The following TYW1 variants were observed in gnomAD, a reference collection of about 807,000 sequenced individuals.
The protein encoded by TYW1 is tRNA-yW synthesizing protein 1 homolog.
TYW1 carries 46 observed loss-of-function variants against 96.2 expected under a neutral mutation model. The ratio of observed to expected loss-of-function variants is 0.48; its 90% CI spans 0.38 to 0.61. The LOEUF is 0.61. Among genes scored for constraint, TYW1 ranks in the 20% least tolerant of loss-of-function variants. The pLI, the probability that TYW1 is intolerant of heterozygous loss-of-function variation, is 0.00. For synonymous variants in TYW1, 274 were observed against 323.0 expected (o/e 0.85, Z 1.63); for missense variants, 684 against 909.6 (o/e 0.75, Z 3.19).
chr7:67,009,851 G>A (rs1359304347), intron 4 of TYW1, 167 bp downstream of exon 4: 2 of 675,084 alleles, frequency 3.0e-6, no homozygotes, highest in African/African-American at 1.9e-5. Flanking sequence ...TGAATGTGGG[G>A]TAAGGTTCAC....
chr7:67,008,641 T>G (rs1212155920), intron 3 of TYW1, among the ~76,000 whole-genome samples: 1 of 152,202 alleles, frequency 6.6e-6, no homozygotes, highest in African/African-American at 2.4e-5. Context: ...TCCCATTCTT[T>G]TCACTCTTCA....
Position 67,112,600 on chromosome 7 carries a change from A to G in TYW1, c.1563-4883A>G, listed in dbSNP as rs1226734204. 1.3e-5 allele frequency among the ~76,000 whole-genome samples: 2 copies of G among 150,616 alleles called. 1 individual carries two copies. The highest frequency in any genetic ancestry group is 4.9e-5 in the African/African-American group (2 of 40,614). On this transcript the variant is annotated intron_variant, in intron 12 of 15. Transcript: ENST00000359626. ...CCCTGCACTCCAGCCTGGGTGACAG[A>G]GCAAGACTCTTGTCTTTAAAAAAAA... is the stretch of plus-strand genomic sequence containing the variant.
chr7:67,179,540 T>C lies in TYW1; in HGVS notation c.1699-3586T>C, dbSNP rs184089288. Among the ~76,000 whole-genome samples, 17 of 135,136 alleles carry C rather than the reference T, an allele frequency of 1.3e-4. 2 individuals are homozygous for C. In the Middle Eastern group the frequency reaches 0.027, roughly 211 times the overall value. 88.7% of individuals were successfully genotyped at this position (135,136 alleles called of 152,430 possible). On this transcript the variant is annotated intron_variant, in intron 13 of 15. Transcript: ENST00000359626. ...CGTATCTGTAAAGTGAAGATAATAA[T>C]CCAATCTATTTTGTGAGATTTGTTG... is the stretch of plus-strand genomic sequence containing the variant.
In TYW1 at chr7:67,080,017, T is replaced by G. The variant is rs547344961; in HGVS notation, c.1275-3413T>G. Among the ~76,000 whole-genome samples the G allele has an allele frequency of 4.6e-5, 7 of 152,324 alleles. No homozygotes were observed. The South Asian group carries it at 1.4e-3, about 32-fold the overall frequency. On this transcript the variant is annotated intron_variant, in intron 10 of 15. Coordinates refer to ENST00000359626, the MANE Select transcript of TYW1 (RefSeq NM_018264.4). Reference sequence around the variant, plus strand: ...AAATATGGTCTGCCCTGGAGAATATTTTATGTATGGATGAGAAGATCGTGT... The same window carrying G: ...AAATATGGTCTGCCCTGGAGAATATGTTATGTATGGATGAGAAGATCGTGT...
chr7:67,112,374 C>G (rs13230301), intron 12 of TYW1, among the ~76,000 whole-genome samples: 1 of 151,916 alleles, frequency 6.6e-6, no homozygotes, highest in African/African-American at 2.4e-5. Flanking sequence ...CCAGTACTTT[C>G]GGAGGCCGAG....
intron 7 of TYW1, among the ~76,000 whole-genome samples, chr7:67,044,823 T>C (rs112557319): frequency 0.017 from 2,579 of 152,198 alleles, 71 homozygotes; most frequent in African/African-American, 0.058. Context: ...TTTCACCATG[T>C]TGGCCAGACT....
At chr7:67,067,774 A>C (rs532935181) in intron 10 of TYW1, among the ~76,000 whole-genome samples, 33 of 151,326 alleles carry the variant, frequency 2.2e-4, no homozygotes, top group African/African-American at 8.0e-4. Flanking sequence ...TTTTTTTTCT[A>C]TCTATGACTA....
chr7:67,143,864 A>G (rs1798523993), intron 13 of TYW1, among the ~76,000 whole-genome samples: 1 of 152,236 alleles, frequency 6.6e-6, no homozygotes, highest in Non-Finnish European at 1.5e-5. Context: ...GAAGCTGAGA[A>G]AGCGTTTTTT....
intron 13 of TYW1, among the ~76,000 whole-genome samples, chr7:67,144,196 A>C (rs1419155041): frequency 3.3e-5 from 5 of 152,280 alleles, no homozygotes; most frequent in Admixed American, 1.3e-4. Flanking sequence ...TTCATTTGAG[A>C]AAGTATCTTT....
chr7:67,183,262 T>C (rs2687038), intron 14 of TYW1, 26 bp downstream of exon 14: 115 of 1,570,032 alleles, frequency 7.3e-5, no homozygotes, highest in Middle Eastern at 1.7e-4. Context: ...CTCTGGTGGC[T>C]GTGGTGGAGT....
intron 13 of TYW1, among the ~76,000 whole-genome samples, chr7:67,147,919 G>A (rs1279163949): frequency 1.1e-4 from 16 of 149,130 alleles, no homozygotes; most frequent in African/African-American, 3.7e-4. Flanking sequence ...AAAGAATCAA[G>A]GTAAAAGAAA....
chr7:67,103,434 T>C (rs138584421), intron 12 of TYW1, among the ~76,000 whole-genome samples: 111 of 152,330 alleles, frequency 7.3e-4, no homozygotes, highest in Middle Eastern at 3.4e-3. Context: ...ATGCTAGATA[T>C]TATGACGTGT....
chr7:67,180,028 T>C lies in TYW1; in HGVS notation c.1699-3098T>C, dbSNP rs1167874532. Among the ~76,000 whole-genome samples, 7 of 130,198 alleles carry C rather than the reference T, an allele frequency of 5.4e-5. 1 individual carries two copies. Among genetic ancestry groups the C allele is most frequent in the African/African-American group, 2.2e-4 (7 of 31,168 alleles). The allele number at this position is 130,198 out of a possible 152,430, so 85.4% of individuals were successfully genotyped here. A position where few individuals can be genotyped will look rare whatever the true frequency, so the allele number is the denominator to read the frequency against. ...TTTTTGTAGTGATGGGGTCTCTTTA[T>C]GTTGCCCAGGCTGGTCTCGAATTCC... is the stretch of plus-strand genomic sequence containing the variant. On this transcript the variant is annotated intron_variant, in intron 13 of 15. Coordinates refer to ENST00000359626, the MANE Select transcript of TYW1 (RefSeq NM_018264.4).
At chr7:67,036,424 G>C (rs181353203) in intron 7 of TYW1, among the ~76,000 whole-genome samples, 1 of 152,296 alleles carries the variant, frequency 6.6e-6, no homozygotes, top group East Asian at 1.9e-4. Context: ...AGATCCCTTT[G>C]AAACAGTCCA....
At chr7:67,208,777 C>T (rs1386878983) in intron 15 of TYW1, among the ~76,000 whole-genome samples, 6 of 151,826 alleles carry the variant, frequency 4.0e-5, no homozygotes, top group Admixed American at 6.6e-5. Context: ...TTAAAGATCC[C>T]GCATTAAATT....
intron 15 of TYW1, among the ~76,000 whole-genome samples, chr7:67,227,083 T>C (rs1449312024): frequency 6.6e-6 from 1 of 152,190 alleles, no homozygotes; most frequent in African/African-American, 2.4e-5. Flanking sequence ...CCGTTTTGTC[T>C]ATTATATATG....
chr7:67,181,426 C>T (rs1799838716), intron 13 of TYW1, among the ~76,000 whole-genome samples: 1 of 152,146 alleles, frequency 6.6e-6, no homozygotes, highest in African/African-American at 2.4e-5. Context: ...CTTTTGAGTA[C>T]ACATGAGTAA....
chr7:67,214,587 G>A (rs1801147690), intron 15 of TYW1, among the ~76,000 whole-genome samples: 1 of 152,148 alleles, frequency 6.6e-6, no homozygotes, highest in South Asian at 2.1e-4. Context: ...AGATCTTAAT[G>A]GGGGAATATC....
intron 7 of TYW1, among the ~76,000 whole-genome samples, chr7:67,029,160 A>T (rs1421024993): frequency 2.0e-5 from 3 of 151,686 alleles, no homozygotes; most frequent in Non-Finnish European, 4.4e-5. Flanking sequence ...CACTGCGCCC[A>T]GCTAATTTTT....
Sources: allele counts gnomAD v4.1 joint callset (sites outside exome capture counted in the v4.1 genomes callset), GRCh38; gene constraint gnomAD v4.1.1; transcripts MANE v1.5; gene names NCBI Gene and HGNC (gene_info 2026-07-23, HGNC 2026-07-21).